GNG4: variants seen among roughly 807,000 people sequenced by gnomAD.
The protein encoded by GNG4 is G protein subunit gamma 4, also known as guanine nucleotide-binding protein G(I)/G(S)/G(O) subunit gamma-4.
Under a neutral mutation model 5.8 loss-of-function variants are expected in GNG4, and 4 were observed. The observed-to-expected ratio is 0.69, with a 90% CI of 0.34 to 1.57. The LOEUF (loss-of-function observed/expected upper bound fraction) is 1.57. GNG4 is among the 40% of genes most tolerant of loss of function. The pLI, the probability that GNG4 is intolerant of heterozygous loss-of-function variation, is 0.06. For synonymous variants in GNG4, 29 were observed against 32.9 expected, an observed-to-expected ratio of 0.88 and a Z score of 0.41; for missense variants, 96 against 95.1, an observed-to-expected ratio of 1.01 and a Z score of -0.04.
intron 1 of GNG4, among the ~76,000 whole-genome samples, chr1:235,626,573 C>T (rs548992345): frequency 2.0e-5 from 3 of 152,254 alleles, no homozygotes; most frequent in Admixed American, 2.0e-4. Flanking sequence ...ACCTCAGCTG[C>T]ACTAATGTCC....
chr1:235,596,212 AC>A (rs1298838706), intron 1 of GNG4, among the ~76,000 whole-genome samples: 16,266 of 104,716 alleles, frequency 0.16, 1,238 homozygotes, highest in Middle Eastern at 0.24. Context: ...AACAAAATAC[AC>A]ACACACACAC....
At chr1:235,631,929 G>A (rs1688939944) in intron 1 of GNG4, among the ~76,000 whole-genome samples, 12 of 152,120 alleles carry the variant, frequency 7.9e-5, no homozygotes, top group Admixed American at 7.9e-4. Context: ...CCAAAAGATA[G>A]CAAGAATACT....
chr1:235,642,700 G>A lies in GNG4; in HGVS notation c.-123+6962C>T, dbSNP rs1251341016. Among the ~76,000 whole-genome samples the A allele has an allele frequency of 1.3e-5, 2 of 152,088 alleles. No individual in the cohort carries two copies. The highest frequency in any genetic ancestry group is 4.8e-5 in the African/African-American group (2 of 41,414). ...AAGAAAGGGTGTGCCTCCTACAGAA[G>A]GATATTTGTTTTGTCCTAAACTTGC... is the stretch of plus-strand genomic sequence containing the variant. On this transcript the variant is annotated intron_variant, in intron 1 of 3. Transcript: ENST00000391854. The surrounding 1 kb of genome is among the most constrained non-coding windows in gnomAD (Gnocchi z 4.3).
chr1:235,596,209 T>TACACACACACACACACACACAC lies in GNG4; in HGVS notation c.-122-720_-122-699dup, dbSNP rs59527448. Among the ~76,000 whole-genome samples the TACACACACACACACACACACAC allele has an allele frequency of 6.4e-4, 85 of 133,562 alleles. 1 individual carries two copies. The highest frequency in any genetic ancestry group is 2.0e-3 in the African/African-American group (71 of 36,176). 87.6% of individuals were successfully genotyped at this position (133,562 alleles called of 152,430 possible). On this transcript the variant is annotated intron_variant, in intron 1 of 3. Coordinates refer to ENST00000391854, the MANE Select transcript of GNG4 (RefSeq NM_001098722.2). ...ACAAAACAAAAACAAACAAACAAAA[T>TACACACACACACACACACACAC]ACACACACACACACACACACACACA... is the stretch of plus-strand genomic sequence containing the variant.
intron 3 of GNG4, among the ~76,000 whole-genome samples, chr1:235,581,760 G>A (rs1325656304): frequency 6.6e-6 from 1 of 152,078 alleles, no homozygotes; most frequent in Non-Finnish European, 1.5e-5. Context: ...ACAGCAATGT[G>A]AGAATGAACT....
At chr1:235,611,390 G>A (rs1345958421) in intron 1 of GNG4, among the ~76,000 whole-genome samples, 14 of 151,944 alleles carry the variant, frequency 9.2e-5, no homozygotes, top group Admixed American at 9.2e-4. Context: ...GCCCTGGATG[G>A]TCTGGAACTC....
At chr1:235,639,388 G>A (rs1657246461) in intron 1 of GNG4, among the ~76,000 whole-genome samples, 1 of 152,192 alleles carries the variant, frequency 6.6e-6, no homozygotes, top group Non-Finnish European at 1.5e-5. Flanking sequence ...CTGAAACAGA[G>A]CCCCCAGCCT....
intron 2 of GNG4, among the ~76,000 whole-genome samples, chr1:235,585,852 T>C (rs759979579): frequency 2.6e-5 from 4 of 152,260 alleles, no homozygotes; most frequent in African/African-American, 4.8e-5. Context: ...GATTCTTAAG[T>C]AATTTTGGAA....
intron 2 of GNG4, among the ~76,000 whole-genome samples, chr1:235,593,357 C>A (rs1688028361): frequency 6.6e-6 from 1 of 152,196 alleles, no homozygotes; most frequent in African/African-American, 2.4e-5. Flanking sequence ...TGCTTCTGAC[C>A]TGACCTGACT....
chr1:235,555,729 A>G (rs1397963802), intron 3 of GNG4, among the ~76,000 whole-genome samples: 1 of 152,234 alleles, frequency 6.6e-6, no homozygotes, highest in South Asian at 2.1e-4. Flanking sequence ...GACAAATAAA[A>G]ATGGAATATA....
chr1:235,603,784 G>A (rs534049195), intron 1 of GNG4, among the ~76,000 whole-genome samples: 1 of 152,204 alleles, frequency 6.6e-6, no homozygotes, highest in Non-Finnish European at 1.5e-5. Context: ...TTCTTAGGAA[G>A]AGCACGCGGG....
intron 1 of GNG4, chr1:235,614,855 C>G (rs1353026317): frequency 1.3e-5 from 2 of 152,306 alleles, no homozygotes; most frequent in Non-Finnish European, 2.9e-5. Flanking sequence ...GGGCTGGGAG[C>G]AGCCTCATCC....
intron 1 of GNG4, among the ~76,000 whole-genome samples, chr1:235,603,676 G>A (rs56274766): frequency 0.59 from 89,194 of 152,128 alleles, 27,352 homozygotes; most frequent in African/African-American, 0.76. Context: ...CATCCAGCTG[G>A]TCTAATAACA....
At chr1:235,563,620 T>G (rs1687125522) in intron 3 of GNG4, among the ~76,000 whole-genome samples, 1 of 152,144 alleles carries the variant, frequency 6.6e-6, no homozygotes, top group African/African-American at 2.4e-5. Context: ...TGAGTCCTCG[T>G]GTGGGGAAAC....
intron 1 of GNG4, among the ~76,000 whole-genome samples, chr1:235,632,159 C>T (rs765870749): frequency 6.6e-6 from 1 of 152,072 alleles, no homozygotes; most frequent in Admixed American, 6.5e-5. Context: ...CATCATGGCT[C>T]CCTGCAGCCT....
rs1657362863 is a variant in GNG4, at chr1:235,642,527, A to T, written c.-123+7135T>A. Among the ~76,000 whole-genome samples, 1 of 152,074 alleles carries T rather than the reference A, an allele frequency of 6.6e-6. No individual in the cohort carries two copies. Among genetic ancestry groups the T allele is most frequent in the South Asian group, 2.1e-4 (1 of 4,812 alleles). On this transcript the variant is annotated intron_variant, in intron 1 of 3. Coordinates refer to ENST00000391854, the MANE Select transcript of GNG4 (RefSeq NM_001098722.2). This position sits in a 1 kb window ranked among gnomAD's most constrained non-coding sequence, Gnocchi z 4.3. ...CAAGAGGCAGGATGCAACTGCTTCA[A>T]CGCAGAAAGAATGAGTCATCCAGGA... is the stretch of plus-strand genomic sequence containing the variant.
intron 3 of GNG4, among the ~76,000 whole-genome samples, chr1:235,552,581 T>A: frequency 6.6e-6 from 1 of 152,276 alleles, no homozygotes; most frequent in East Asian, 1.9e-4. Flanking sequence ...AAACCGTTTC[T>A]GGAAGACTAA....
At chr1:235,570,962 CTTTTTTTTTT>C (rs544210922) in intron 3 of GNG4, among the ~76,000 whole-genome samples, 1 of 104,004 alleles carries the variant, frequency 9.6e-6, no homozygotes, top group Non-Finnish European at 1.8e-5. Context: ...ATATACATAC[CTTTTTTTTTT>C]TTTTTTTTTG....
chr1:235,593,613 C>G (rs965517596), intron 2 of GNG4, among the ~76,000 whole-genome samples: 1 of 152,266 alleles, frequency 6.6e-6, no homozygotes, highest in African/African-American at 2.4e-5. Flanking sequence ...TTCTTAAAGG[C>G]GGCGTGTCCG....
Sources: allele counts gnomAD v4.1 joint callset (sites outside exome capture counted in the v4.1 genomes callset), GRCh38; gene constraint gnomAD v4.1.1; non-coding constraint Gnocchi (gnomAD v3.1); transcripts MANE v1.5; gene names NCBI Gene and HGNC (gene_info 2026-07-23, HGNC 2026-07-21).